The following UBE2O variants were observed in gnomAD, a reference collection of about 807,000 sequenced individuals.
The protein encoded by UBE2O is ubiquitin conjugating enzyme E2 O.
In UBE2O, 15 loss-of-function variants were observed where a neutral mutation model predicts 125.8. The observed-to-expected ratio is 0.12, with a 90% confidence interval of 0.08 to 0.18. The LOEUF (loss-of-function observed/expected upper bound fraction) is 0.18, where lower values mean the gene tolerates loss of function less well. Ranked by LOEUF, UBE2O falls within the 10% of genes least tolerant of loss-of-function variation. The pLI is 1.00. For synonymous variants in UBE2O, 708 were observed against 703.2 expected (o/e 1.01, Z -0.11); for missense variants, 1,280 against 1,723.6 (o/e 0.74, Z 4.56).
At chr17:76,451,604 TCTTTGTCTCCCA>T (rs1397681862) in intron 1 of UBE2O, among the ~76,000 whole-genome samples, 10 of 152,210 alleles carry the variant, frequency 6.6e-5, no homozygotes, top group Non-Finnish European at 1.2e-4. Flanking sequence ...TCCTCTGTAG[TCTTTGTCTCCCA>T]CTGTGTGAGA....
At chr17:76,445,103 A>G (rs1397730539) in intron 1 of UBE2O, among the ~76,000 whole-genome samples, 1 of 152,166 alleles carries the variant, frequency 6.6e-6, no homozygotes, top group Non-Finnish European at 1.5e-5. Flanking sequence ...GTGTGAAAAG[A>G]CCAGCTCTCT....
chr17:76,439,939 T>C (rs1291620965), intron 1 of UBE2O, among the ~76,000 whole-genome samples: 1 of 152,216 alleles, frequency 6.6e-6, no homozygotes, highest in Non-Finnish European at 1.5e-5. Flanking sequence ...ATTCCACTCA[T>C]TCGCATGTGT....
At position 76,390,525 on chromosome 17, in the gene UBE2O, G is replaced by A. The variant is rs1598575098; in HGVS notation, c.*418C>T. On this transcript the variant is annotated 3_prime_UTR_variant, in exon 18 of 18. Coordinates refer to ENST00000319380, the MANE Select transcript of UBE2O (RefSeq NM_022066.4). ...ACTAAACAGGTTGAAAGGGACCAGG[G>A]GAATTGTTGGCGCAACCCACACTTC... 6.0e-6 allele frequency: 1 copy of A among 166,492 alleles called. No individual in the cohort carries two copies. The highest frequency in any genetic ancestry group is 1.3e-5 in the Non-Finnish European group (1 of 77,470). The allele number at this position is 166,492 out of a possible 1,614,324, so 10.3% of individuals were successfully genotyped here. A position where few individuals can be genotyped will look rare whatever the true frequency, so the allele number is the denominator to read the frequency against.
Position 76,434,239 on chromosome 17 carries a change from G to A in UBE2O, c.417+18486C>T, listed in dbSNP as rs572916396. ...AGACCTAGACATACATGGAAACCCA[G>A]CACACAGTCCTATCTCAGAGGTTCA... On this transcript the variant is annotated intron_variant, in intron 1 of 17. Transcript: ENST00000319380. Among the ~76,000 whole-genome samples the A allele has an allele frequency of 2.0e-5, 3 of 152,262 alleles. No homozygotes were observed. In the South Asian group the frequency reaches 6.2e-4, roughly 32 times the overall value.
At chr17:76,438,960 C>A (rs1048782428) in intron 1 of UBE2O, among the ~76,000 whole-genome samples, 9 of 152,162 alleles carry the variant, frequency 5.9e-5, no homozygotes, top group Non-Finnish European at 1.2e-4. Flanking sequence ...CTTCCTAGCT[C>A]CCCACATTCC....
At chr17:76,445,202 T>C (rs1001141262) in intron 1 of UBE2O, among the ~76,000 whole-genome samples, 2 of 151,998 alleles carry the variant, frequency 1.3e-5, no homozygotes, top group Non-Finnish European at 2.9e-5. Flanking sequence ...ATGTCATTGT[T>C]GGGTAGGACT....
chr17:76,421,398 G>A (rs1319140861), intron 1 of UBE2O, among the ~76,000 whole-genome samples: 1 of 146,664 alleles, frequency 6.8e-6, no homozygotes, highest in Non-Finnish European at 1.5e-5. Context: ...ACGGAGTTTC[G>A]CTCTTGTTGC....
At position 76,395,977 on chromosome 17, in the gene UBE2O, C is replaced by T; in HGVS notation, c.2810-116G>A. ...ACTTCCCACTCGCCGCTGCTGGCCT[C>T]AGCACTGTGACCACACAGGGAAATG... On this transcript the variant is annotated intron_variant, in intron 14 of 17. Transcript: ENST00000319380. The surrounding 1 kb of genome is among the most constrained non-coding windows in gnomAD (Gnocchi z 5.0). The T allele has an allele frequency of 6.5e-7, 1 of 1,533,568 alleles. No individual in the cohort carries two copies. Among genetic ancestry groups the T allele is most frequent in the Non-Finnish European group, 8.9e-7 (1 of 1,125,060 alleles). 95.0% of individuals were successfully genotyped at this position (1,533,568 alleles called of 1,614,324 possible). A position where few individuals can be genotyped will look rare whatever the true frequency, so the allele number is the denominator to read the frequency against.
chr17:76,421,731 G>C (rs2072715652), intron 1 of UBE2O, among the ~76,000 whole-genome samples: 1 of 152,212 alleles, frequency 6.6e-6, no homozygotes, highest in Non-Finnish European at 1.5e-5. Context: ...CATTACAACT[G>C]GTAACTGATG....
rs2072334075 is a variant in UBE2O at position 76,401,973 on chromosome 17, G to C, written c.750+91C>G. On this transcript the variant is annotated intron_variant, in intron 5 of 17. Coordinates refer to ENST00000319380, the MANE Select transcript of UBE2O (RefSeq NM_022066.4). ...CGCCCCTTTTCTAGGAAACCGCTCT[G>C]TTTAGCTGGGTCCAGGTCTTTGCTA... The C allele has an allele frequency of 2.1e-6, 3 of 1,397,854 alleles. No homozygotes were observed. In the African/African-American group the frequency reaches 4.3e-5, roughly 20 times the overall value. The allele number at this position is 1,397,854 out of a possible 1,614,324, so 86.6% of individuals were successfully genotyped here.
At chr17:76,439,209 C>T (rs905268707) in intron 1 of UBE2O, among the ~76,000 whole-genome samples, 1 of 152,182 alleles carries the variant, frequency 6.6e-6, no homozygotes, top group African/African-American at 2.4e-5. Context: ...GTAAGAACAC[C>T]TACTTCACGG....
intron 1 of UBE2O, among the ~76,000 whole-genome samples, chr17:76,425,323 A>G (rs1020963863): frequency 2.0e-5 from 3 of 151,784 alleles, no homozygotes; most frequent in African/African-American, 7.3e-5. Context: ...TTTTTAAATA[A>G]TAGTTTAGCT....
intron 1 of UBE2O, among the ~76,000 whole-genome samples, chr17:76,438,685 C>T (rs970056164): frequency 4.6e-5 from 7 of 152,120 alleles, no homozygotes; most frequent in Non-Finnish European, 7.3e-5. Flanking sequence ...TCAAATTGAA[C>T]ATCATTAAAA....
Position 76,398,521 on chromosome 17 carries a change from G to T in UBE2O, c.1847C>A (p.Thr616Asn). The change falls in exon 11 of 18, where the codon ACC becomes AAC. Residue 616 changes from threonine to asparagine, a missense_variant. Coordinates refer to ENST00000319380, the MANE Select transcript of UBE2O (RefSeq NM_022066.4). The surrounding 1 kb of genome is among the most constrained non-coding windows in gnomAD (Gnocchi z 5.4). ...CAGCTTGAACCACTTCACCATGCAG[G>T]TACGGCCGATGTGGTCCCCAGACTG... The part of the protein sequence containing the change: ...VVQSGDHIGR[T>N]CMVKWFKLRP... 1 of 1,614,080 alleles carries T rather than the reference G, an allele frequency of 6.2e-7. No homozygotes were observed. Among genetic ancestry groups the T allele is most frequent in the Non-Finnish European group, 8.5e-7 (1 of 1,180,020 alleles).
At chr17:76,447,910 C>T (rs530325440) in intron 1 of UBE2O, among the ~76,000 whole-genome samples, 2 of 152,324 alleles carry the variant, frequency 1.3e-5, no homozygotes, top group East Asian at 3.9e-4. Flanking sequence ...TGCTAATAAC[C>T]AAGTGGCCAT....
intron 3 of UBE2O, among the ~76,000 whole-genome samples, chr17:76,403,065 C>T (rs2072356196): frequency 6.6e-6 from 1 of 152,142 alleles, no homozygotes; most frequent in Non-Finnish European, 1.5e-5. Context: ...GGCAGCCACA[C>T]CACTGGGGGG....
chr17:76,448,295 T>C, intron 1 of UBE2O, among the ~76,000 whole-genome samples: 1 of 152,208 alleles, frequency 6.6e-6, no homozygotes, highest in East Asian at 1.9e-4. Flanking sequence ...TTAGATTCAC[T>C]TAGTCCTGCA....
Position 76,452,703 on chromosome 17 carries a change from G to T in UBE2O, c.417+22C>A. On this transcript the variant is annotated intron_variant, in intron 1 of 17. Transcript: ENST00000319380. This position sits in a 1 kb window ranked among gnomAD's most constrained non-coding sequence, Gnocchi z 4.4. Reference sequence around the variant, plus strand: ...CCGCCGACCCCCTGCCGCCCGCGCCGCCCAGCCCCCGCCCGCCGCACCTTG... The same window carrying T: ...CCGCCGACCCCCTGCCGCCCGCGCCTCCCAGCCCCCGCCCGCCGCACCTTG... 3 of 1,349,170 alleles carry T rather than the reference G, an allele frequency of 2.2e-6. No individual in the cohort carries two copies. Among genetic ancestry groups the T allele is most frequent in the Non-Finnish European group, 2.8e-6 (3 of 1,054,270 alleles). The allele number at this position is 1,349,170 out of a possible 1,614,324, so 83.6% of individuals were successfully genotyped here.
At chr17:76,397,975 T>C (rs1416994500) in intron 12 of UBE2O, 87 bp from the exon 13 acceptor site, 1 of 1,424,364 alleles carries the variant, frequency 7.0e-7, no homozygotes, top group Non-Finnish European at 9.8e-7. Context: ...ACTGACATCA[T>C]GCCCACCTGG....
Sources: gnomAD v4.1 joint callset for allele counts (sites outside exome capture counted in the v4.1 genomes callset) on GRCh38, gnomAD v4.1.1 for gene constraint, Gnocchi (gnomAD v3.1) non-coding constraint, MANE v1.5 for transcripts, NCBI Gene and HGNC (gene_info 2026-07-23, HGNC 2026-07-21) for gene names.